The following CELF4 variants were observed in gnomAD, a reference collection of about 807,000 sequenced individuals.
CELF4 encodes the protein CUGBP Elav-like family member 4.
Under a neutral mutation model 59.9 loss-of-function variants are expected in CELF4, and 18 were observed. The ratio of observed to expected loss-of-function variants is 0.30; its 90% CI spans 0.21 to 0.45. CELF4 has a LOEUF of 0.45. Among genes scored for constraint, CELF4 ranks in the 20% least tolerant of loss-of-function variants. The pLI is 1.00. For synonymous variants in CELF4, 261 were observed against 267.1 expected (o/e 0.98, Z 0.22); for missense variants, 456 against 689.0 (o/e 0.66, Z 3.79).
intron 3 of CELF4, among the ~76,000 whole-genome samples, chr18:37,285,911 G>A (rs1178599023): frequency 6.6e-6 from 1 of 152,184 alleles, no homozygotes; most frequent in Non-Finnish European, 1.5e-5. Flanking sequence ...TTTCGCAGCC[G>A]AACTCTGTTG....
At chr18:37,506,727 G>A (rs185395922) in intron 1 of CELF4, among the ~76,000 whole-genome samples, 21 of 152,336 alleles carry the variant, frequency 1.4e-4, no homozygotes, top group Admixed American at 5.2e-4. Context: ...CTGCACATCA[G>A]CCCAACGGCA....
At chr18:37,275,014 G>A in intron 4 of CELF4, 101 bp downstream of exon 4, 4 of 1,546,842 alleles carry the variant, frequency 2.6e-6, no homozygotes, top group Non-Finnish European at 3.5e-6. Flanking sequence ...AAGAAGCCCA[G>A]AGACAGACGG....
intron 3 of CELF4, among the ~76,000 whole-genome samples, chr18:37,319,265 G>A (rs1209981354): frequency 6.6e-6 from 1 of 152,246 alleles, no homozygotes; most frequent in Non-Finnish European, 1.5e-5. Flanking sequence ...TCACTGCCAA[G>A]GAAGGGACAG....
At chr18:37,311,839 C>T (rs569832185) in intron 3 of CELF4, among the ~76,000 whole-genome samples, 1 of 124,948 alleles carries the variant, frequency 8.0e-6, no homozygotes, top group African/African-American at 3.1e-5. Context: ...CGTCCGGGCG[C>T]GGTGGCTTAT....
intron 2 of CELF4, among the ~76,000 whole-genome samples, chr18:37,387,993 C>A (rs2099117321): frequency 1.3e-5 from 2 of 152,208 alleles, no homozygotes; most frequent in South Asian, 4.2e-4. Context: ...GGTTCTGTGG[C>A]CCTCTGTGGC....
At chr18:37,439,435 G>A (rs2099704758) in intron 2 of CELF4, among the ~76,000 whole-genome samples, 2 of 152,282 alleles carry the variant, frequency 1.3e-5, no homozygotes, top group South Asian at 4.2e-4. Flanking sequence ...GTGTGCATGT[G>A]TGCGTCTGAA....
intron 2 of CELF4, among the ~76,000 whole-genome samples, chr18:37,470,576 C>G (rs1196447871): frequency 1.3e-5 from 2 of 152,132 alleles, no homozygotes; most frequent in African/African-American, 4.8e-5. Context: ...GTCCAACTGT[C>G]TAGGCAAGTG....
At chr18:37,367,661 C>G (rs2098802278) in intron 2 of CELF4, among the ~76,000 whole-genome samples, 1 of 151,000 alleles carries the variant, frequency 6.6e-6, no homozygotes, top group Admixed American at 6.6e-5. Flanking sequence ...AAATGCAAAT[C>G]AGGTCGGGGA....
In CELF4 at chr18:37,353,823, C is replaced by T. The variant is rs371472043; in HGVS notation, c.370-31942G>A. ...CCAGGCTAGAGTGCAGTGGCGTGAT[C>T]TCGGCTCACTGCCAGCTCCACCTCC... On this transcript the variant is annotated intron_variant, in intron 2 of 12. Transcript: ENST00000420428. Among the ~76,000 whole-genome samples the T allele has an allele frequency of 2.5e-4, 35 of 139,376 alleles. 1 individual carries two copies. The East Asian group carries it at 7.0e-3, about 28-fold the overall frequency. The allele number at this position is 139,376 out of a possible 152,430, so 91.4% of individuals were successfully genotyped here. A position where few individuals can be genotyped will look rare whatever the true frequency, so the allele number is the denominator to read the frequency against.
At chr18:37,445,744 G>A (rs1047248374) in intron 2 of CELF4, among the ~76,000 whole-genome samples, 5 of 152,102 alleles carry the variant, frequency 3.3e-5, no homozygotes, top group Admixed American at 3.3e-4. Flanking sequence ...TGCATTCCGT[G>A]TCTCCCATAG....
intron 2 of CELF4, among the ~76,000 whole-genome samples, chr18:37,368,552 C>T (rs1341350944): frequency 1.3e-5 from 2 of 152,238 alleles, no homozygotes; most frequent in Non-Finnish European, 2.9e-5. Flanking sequence ...GACTGAACCT[C>T]TTCCCAGGGG....
At chr18:37,314,108 GACAGGGAC>G (rs963471018) in intron 3 of CELF4, among the ~76,000 whole-genome samples, 8 of 152,214 alleles carry the variant, frequency 5.3e-5, no homozygotes, top group Non-Finnish European at 1.0e-4. Flanking sequence ...CAGGCTGAGA[GACAGGGAC>G]ACAGAGACAC....
chr18:37,417,522 G>C (rs1569569267), intron 2 of CELF4, among the ~76,000 whole-genome samples: 1 of 152,216 alleles, frequency 6.6e-6, no homozygotes, highest in Non-Finnish European at 1.5e-5. Context: ...AAGCCCCTCT[G>C]TTGGCCAAGT....
chr18:37,481,332 T>C (rs1213863955), intron 2 of CELF4, among the ~76,000 whole-genome samples: 1 of 152,122 alleles, frequency 6.6e-6, no homozygotes, highest in Non-Finnish European at 1.5e-5. Flanking sequence ...TGGACCCAGC[T>C]CTTCCCCTGC....
chr18:37,455,432 G>A (rs2154601884), intron 2 of CELF4, among the ~76,000 whole-genome samples: 1 of 152,270 alleles, frequency 6.6e-6, no homozygotes, highest in African/African-American at 2.4e-5. Flanking sequence ...TCCCACCAAG[G>A]GTGTCACTGT....
In CELF4 at chr18:37,497,651, CAA is replaced by C. The variant is rs58015103; in HGVS notation, c.287-12046_287-12045del. Among the ~76,000 whole-genome samples the C allele has an allele frequency of 0.023, 2,724 of 118,228 alleles. 172 individuals carry two copies. In the East Asian group the frequency reaches 0.27, roughly 12 times the overall value. 77.6% of individuals were successfully genotyped at this position (118,228 alleles called of 152,430 possible). A position where few individuals can be genotyped will look rare whatever the true frequency, so the allele number is the denominator to read the frequency against. ...TCGATGACAGAACGAGACTCTGTCT[CAA>C]AAAAAAAAAAAAAGAAAAAAGAAAG... On this transcript the variant is annotated intron_variant, in intron 1 of 12. Coordinates refer to ENST00000420428, the MANE Select transcript of CELF4 (RefSeq NM_020180.4).
At chr18:37,507,501 A>G (rs993584586) in intron 1 of CELF4, among the ~76,000 whole-genome samples, 8 of 152,112 alleles carry the variant, frequency 5.3e-5, no homozygotes, top group African/African-American at 1.9e-4. Flanking sequence ...CTGGTCTGTC[A>G]CTTCCTTGCT....
chr18:37,445,851 G>A (rs867060076), intron 2 of CELF4, among the ~76,000 whole-genome samples: 10 of 152,138 alleles, frequency 6.6e-5, no homozygotes, highest in Non-Finnish European at 7.4e-5. Flanking sequence ...CTGTGTGCCC[G>A]CAGGTCTCTT....
rs908787137 is a variant in CELF4 at position 37,310,529 on chromosome 18, C to T, written c.448+11274G>A. Among the ~76,000 whole-genome samples, 3 of 152,302 alleles carry T rather than the reference C, an allele frequency of 2.0e-5. No homozygotes were observed. In the East Asian group the frequency reaches 5.8e-4, roughly 29 times the overall value. On this transcript the variant is annotated intron_variant, in intron 3 of 12. Transcript: ENST00000420428. ...CCTTAGTTCAGATTATTTTCCCACT[C>T]GGGAAGCTCTGCTCTTTGAGCTCTT...
Sources: gnomAD v4.1 joint callset for allele counts (sites outside exome capture counted in the v4.1 genomes callset) on GRCh38, gnomAD v4.1.1 for gene constraint, MANE v1.5 for transcripts, NCBI Gene and HGNC (gene_info 2026-07-23, HGNC 2026-07-21) for gene names.